Variants in EPSTI1 observed in about 807,000 individuals in gnomAD.
EPSTI1 encodes the protein epithelial-stromal interaction protein 1.
Under a neutral mutation model 49.9 loss-of-function variants are expected in EPSTI1, and 66 were observed. The ratio of observed to expected loss-of-function variants is 1.32; its 90% CI spans 1.08 to 1.62. EPSTI1 has a LOEUF of 1.62. Among genes scored for constraint, EPSTI1 ranks in the 40% most tolerant of loss-of-function variants. EPSTI1 has a pLI of 0.00. For synonymous variants in EPSTI1, 137 were observed against 130.7 expected (o/e 1.05, Z -0.33); for missense variants, 394 against 365.5 (o/e 1.08, Z -0.64).
intron 1 of EPSTI1, among the ~76,000 whole-genome samples, chr13:42,981,922 C>T (rs9562447): frequency 0.64 from 96,768 of 151,944 alleles, 31,230 homozygotes; most frequent in Non-Finnish European, 0.67. Flanking sequence ...TTGCTCACTG[C>T]AGGCTATGAT....
intron 9 of EPSTI1, 82 bp downstream of exon 9, chr13:42,900,225 TATC>T: frequency 8.4e-7 from 1 of 1,187,292 alleles, no homozygotes; most frequent in Non-Finnish European, 1.3e-6. Context: ...TTAATAATGT[TATC>T]GTAATGCTTT....
intron 1 of EPSTI1, among the ~76,000 whole-genome samples, chr13:42,983,582 A>C (rs960904082): frequency 6.6e-6 from 1 of 150,924 alleles, no homozygotes; most frequent in Non-Finnish European, 1.5e-5. Context: ...AAAAAAAAAA[A>C]AAAAAAACAA....
At chr13:42,896,035 A>C (rs2037179963) in intron 9 of EPSTI1, among the ~76,000 whole-genome samples, 1 of 152,130 alleles carries the variant, frequency 6.6e-6, no homozygotes, top group Non-Finnish European at 1.5e-5. Context: ...GAGATTAGGG[A>C]ACTTTGAGGC....
chr13:42,971,719 C>T lies in EPSTI1; in HGVS notation c.189-1049G>A, dbSNP rs147466784. Among the ~76,000 whole-genome samples the T allele has an allele frequency of 1.2e-3, 185 of 152,322 alleles. 1 individual carries two copies. The highest frequency in any genetic ancestry group is 3.8e-3 in the African/African-American group (159 of 41,572). ...AAGATTGAACTGTAGAGGCCAAAAG[C>T]ACTGATCAACAGAAGCCATTTCCTT... On this transcript the variant is annotated intron_variant, in intron 1 of 10. Transcript: ENST00000313624.
At position 42,953,989 on chromosome 13, in the gene EPSTI1, T is replaced by C. The variant is rs35004437; in HGVS notation, c.522A>G (p.Gln174=). The C allele has an allele frequency of 1.3e-3, 2,108 of 1,612,936 alleles. 19 individuals are homozygous for C. In the African/African-American group the frequency reaches 0.021, roughly 16 times the overall value. ...TAAATGCTTCTCTTCTAAGGTTTTC[T>C]TGAAGTCTTTTTTTCTCCTCCAGTT... is the stretch of plus-strand genomic sequence containing the variant. ...SNKLEEKKRL[Q]ENLRREAFRE... is the part of the protein sequence containing the mutation. Residue 174 remains glutamine (Q), a synonymous_variant, in exon 6 of 11, where the codon CAA becomes CAG. Transcript: ENST00000313624.
intron 9 of EPSTI1, among the ~76,000 whole-genome samples, chr13:42,895,674 C>A (rs924639279): frequency 3.3e-5 from 5 of 152,168 alleles, no homozygotes; most frequent in African/African-American, 9.7e-5. Flanking sequence ...CTATAAATAT[C>A]TGTTTTGTGG....
intron 6 of EPSTI1, among the ~76,000 whole-genome samples, chr13:42,953,472 CA>C (rs1275262167): frequency 1.3e-5 from 2 of 152,210 alleles, no homozygotes; most frequent in Non-Finnish European, 2.9e-5. Context: ...AATCATACTG[CA>C]AATTACCTTG....
intron 8 of EPSTI1, among the ~76,000 whole-genome samples, chr13:42,913,386 CT>C (rs2037741650): frequency 6.6e-6 from 1 of 151,762 alleles, no homozygotes. Context: ...CCAAAAAAAA[CT>C]GGTAGAGGAA....
At position 42,887,760 on chromosome 13, in the gene EPSTI1, A is replaced by G. The variant is rs1159017675; in HGVS notation, c.*734T>C. The stretch of plus-strand genomic sequence containing the variant: ...TGTACAAACTACATATGATGTCTAT[A>G]TTTGTGTCTAGCTGATGTGTATACA... On this transcript the variant is annotated 3_prime_UTR_variant, in exon 11 of 11. Transcript: ENST00000313624. 1 of 152,456 alleles carries G rather than the reference A, an allele frequency of 6.6e-6. No homozygotes were observed. Among genetic ancestry groups the G allele is most frequent in the East Asian group, 1.9e-4 (1 of 5,212 alleles). The allele number at this position is 152,456 out of a possible 1,614,324, so 9.4% of individuals were successfully genotyped here.
At chr13:42,900,252 A>T (rs1669043802) in intron 9 of EPSTI1, 58 bp downstream of exon 9, 1 of 1,467,008 alleles carries the variant, frequency 6.8e-7, no homozygotes, top group Non-Finnish European at 9.5e-7. Context: ...AAAACACTGT[A>T]CAAACTTTCT....
intron 6 of EPSTI1, among the ~76,000 whole-genome samples, chr13:42,940,660 T>G (rs1199003967): frequency 1.3e-5 from 2 of 152,194 alleles, no homozygotes; most frequent in Non-Finnish European, 2.9e-5. Flanking sequence ...CTGCAGCCTC[T>G]AACTCCTGGC....
chr13:42,965,434 G>A (rs1019045308), intron 3 of EPSTI1, among the ~76,000 whole-genome samples: 12 of 152,094 alleles, frequency 7.9e-5, no homozygotes, highest in African/African-American at 1.2e-4. Flanking sequence ...AACAGATGCC[G>A]AGCGCTTCAA....
At chr13:42,958,939 T>C (rs960700122) in intron 5 of EPSTI1, among the ~76,000 whole-genome samples, 2 of 152,212 alleles carry the variant, frequency 1.3e-5, no homozygotes, top group Non-Finnish European at 2.9e-5. Context: ...AATGAAATAA[T>C]TGAACCCATC....
intron 7 of EPSTI1, among the ~76,000 whole-genome samples, chr13:42,918,652 T>C (rs1477994458): frequency 1.3e-5 from 2 of 152,208 alleles, no homozygotes; most frequent in African/African-American, 2.4e-5. Flanking sequence ...GAGAGAAGCT[T>C]TCAAAATGGT....
chr13:42,986,744 CAAAAAAAAA>C (rs71099813), intron 1 of EPSTI1, among the ~76,000 whole-genome samples: 2 of 80,814 alleles, frequency 2.5e-5, no homozygotes, highest in African/African-American at 1.3e-4. Context: ...GATTCCATCT[CAAAAAAAAA>C]AAAAAAAAAA....
intron 6 of EPSTI1, among the ~76,000 whole-genome samples, chr13:42,953,339 C>T (rs1277472222): frequency 1.3e-5 from 2 of 151,604 alleles, no homozygotes; most frequent in Admixed American, 6.6e-5. Context: ...ATTTCTACCA[C>T]ATTTAGAATT....
intron 1 of EPSTI1, among the ~76,000 whole-genome samples, chr13:42,972,949 G>C (rs1425135383): frequency 6.6e-6 from 1 of 152,172 alleles, no homozygotes; most frequent in East Asian, 1.9e-4. Context: ...CAAAACAGTG[G>C]AGATTCATAG....
chr13:42,987,591 G>C (rs966108278), intron 1 of EPSTI1, among the ~76,000 whole-genome samples: 2 of 150,620 alleles, frequency 1.3e-5, no homozygotes, highest in African/African-American at 4.9e-5. Flanking sequence ...TTTTTTTTAA[G>C]CTCATCCACT....
intron 1 of EPSTI1, among the ~76,000 whole-genome samples, chr13:42,976,377 A>T (rs1332852537): frequency 3.3e-5 from 5 of 152,126 alleles, no homozygotes; most frequent in Non-Finnish European, 1.5e-5. Flanking sequence ...TAAATAAATA[A>T]CTCTAAGAAA....
Sources: allele counts gnomAD v4.1 joint callset (sites outside exome capture counted in the v4.1 genomes callset), GRCh38; gene constraint gnomAD v4.1.1; transcripts MANE v1.5; gene names NCBI Gene and HGNC (gene_info 2026-07-23, HGNC 2026-07-21).